SHOC2: variants seen among roughly 807,000 people sequenced by gnomAD.
SHOC2 encodes the protein SHOC2 leucine rich repeat scaffold protein.
A neutral mutation model predicts 50.2 loss-of-function variants in SHOC2; 4 were observed. The observed-to-expected ratio is 0.08, with a 90% CI of 0.04 to 0.18. The LOEUF (loss-of-function observed/expected upper bound fraction) is 0.18. Among genes scored for constraint, SHOC2 ranks in the 10% least tolerant of loss-of-function variants. The probability of loss-of-function intolerance (pLI) is 1.00; values close to 1 mark genes in which losing one functional copy is unlikely to be tolerated. For synonymous variants in SHOC2, 218 were observed against 244.5 expected (o/e 0.89, Z 1.01); for missense variants, 388 against 669.6 (o/e 0.58, Z 4.64).
chr10:110,965,729 T>TA (rs1365269676), intron 2 of SHOC2, among the ~76,000 whole-genome samples: 8 of 152,124 alleles, frequency 5.3e-5, no homozygotes, highest in African/African-American at 1.4e-4. Context: ...AAAGAAAATG[T>TA]TTTTTAAAGG....
intron 2 of SHOC2, among the ~76,000 whole-genome samples, chr10:110,975,766 C>T (rs540365015): frequency 1.3e-5 from 2 of 152,190 alleles, no homozygotes; most frequent in Non-Finnish European, 2.9e-5. Flanking sequence ...AGCTTCTCCA[C>T]AGCTTCTGCT....
intron 1 of SHOC2, chr10:110,936,494 T>A (rs115035566): frequency 0.06 from 34,890 of 580,750 alleles, 1,231 homozygotes; most frequent in South Asian, 0.094. Flanking sequence ...ATTCTCTTTT[T>A]AAATCTTTGA....
chr10:110,996,521 C>G (rs894424584), intron 3 of SHOC2, among the ~76,000 whole-genome samples: 1 of 150,826 alleles, frequency 6.6e-6, no homozygotes, highest in Admixed American at 6.6e-5. Context: ...GAGTCAGACT[C>G]TGTCTCTTAA....
At chr10:110,998,333 C>T (rs1055254646) in intron 3 of SHOC2, among the ~76,000 whole-genome samples, 4 of 151,880 alleles carry the variant, frequency 2.6e-5, no homozygotes, top group Admixed American at 6.6e-5. Context: ...TATTCTCGTT[C>T]GTATTTCTAA....
chr10:110,985,282 A>G (rs979054228), intron 2 of SHOC2, among the ~76,000 whole-genome samples: 1 of 152,146 alleles, frequency 6.6e-6, no homozygotes, highest in African/African-American at 2.4e-5. Flanking sequence ...ATATGTAAAC[A>G]TTTGTGGCTG....
chr10:111,009,952 T>A, intron 8 of SHOC2, 122 bp downstream of exon 8: 1 of 343,564 alleles, frequency 2.9e-6, no homozygotes, highest in Non-Finnish European at 5.5e-6. Flanking sequence ...AGGCTTAAGA[T>A]TTTTTTTTTT....
intron 1 of SHOC2, among the ~76,000 whole-genome samples, chr10:110,952,113 A>T (rs1030195640): frequency 2.0e-5 from 3 of 151,980 alleles, no homozygotes; most frequent in Non-Finnish European, 4.4e-5. Context: ...GTTAACCTTA[A>T]TTTTTTGCCT....
chr10:110,925,070 C>CAA (rs763203844), intron 1 of SHOC2, among the ~76,000 whole-genome samples: 4,212 of 80,510 alleles, frequency 0.052, 199 homozygotes, highest in East Asian at 0.095. Context: ...GACTCTGTCT[C>CAA]AAAAAAAAAA....
chr10:111,000,521 C>T lies in SHOC2; in HGVS notation c.948C>T (p.Asn316=). ...CSALEELNLE[N]NNISTLPESL... Reference sequence around the variant, plus strand: ...CACTTGAAGAATTAAATTTAGAGAACAATAACATTTCTACTTTACCAGAGG... The same window carrying T: ...CACTTGAAGAATTAAATTTAGAGAATAATAACATTTCTACTTTACCAGAGG... The change falls in exon 4 of 9, where the codon AAC becomes AAT. Residue 316 remains asparagine (N), a synonymous_variant. Transcript: ENST00000369452. 1.2e-6 allele frequency: 2 copies of T among 1,611,426 alleles called. No individual in the cohort carries two copies. Among genetic ancestry groups the T allele is most frequent in the Non-Finnish European group, 1.7e-6 (2 of 1,177,930 alleles).
chr10:110,976,743 G>C (rs1185077039), intron 2 of SHOC2, among the ~76,000 whole-genome samples: 1 of 152,162 alleles, frequency 6.6e-6, no homozygotes, highest in Non-Finnish European at 1.5e-5. Flanking sequence ...CAAGAAGTCT[G>C]CTGTTATTCT....
At chr10:110,951,448 C>T (rs141342925) in intron 1 of SHOC2, among the ~76,000 whole-genome samples, 2 of 152,172 alleles carry the variant, frequency 1.3e-5, no homozygotes, top group East Asian at 3.9e-4. Flanking sequence ...TAAATTGGTA[C>T]AGCCATGTAC....
chr10:110,967,061 T>A (rs1196553469), intron 2 of SHOC2, among the ~76,000 whole-genome samples: 1 of 151,942 alleles, frequency 6.6e-6, no homozygotes, highest in Non-Finnish European at 1.5e-5. Flanking sequence ...AAAAATAACA[T>A]CATAATAATA....
At chr10:110,976,153 G>T (rs1398092766) in intron 2 of SHOC2, among the ~76,000 whole-genome samples, 2 of 151,988 alleles carry the variant, frequency 1.3e-5, no homozygotes, top group African/African-American at 4.8e-5. Context: ...CAGGTGATCC[G>T]CCTGCCTCGG....
chr10:111,009,131 A>G (rs1290175258), intron 6 of SHOC2, 117 bp from the exon 7 acceptor site: 1 of 600,024 alleles, frequency 1.7e-6, no homozygotes. Flanking sequence ...ATTGAACATC[A>G]CCCTTAATAT....
At chr10:110,998,241 C>T (rs923018511) in intron 3 of SHOC2, among the ~76,000 whole-genome samples, 6 of 151,984 alleles carry the variant, frequency 3.9e-5, no homozygotes, top group Non-Finnish European at 7.4e-5. Flanking sequence ...TCAGGTGATC[C>T]GCTTGCCTCG....
chr10:110,925,960 T>G (rs117700007), intron 1 of SHOC2, among the ~76,000 whole-genome samples: 2,511 of 152,332 alleles, frequency 0.016, 43 homozygotes, highest in Middle Eastern at 0.027. Context: ...CTTAAACATG[T>G]TGTTACACCT....
intron 2 of SHOC2, among the ~76,000 whole-genome samples, chr10:110,972,719 C>T (rs1276048900): frequency 1.3e-5 from 2 of 152,108 alleles, no homozygotes; most frequent in Non-Finnish European, 2.9e-5. Flanking sequence ...CACCCACAGT[C>T]CCAGCTACTC....
chr10:110,941,850 T>C (rs1414620328), intron 1 of SHOC2, among the ~76,000 whole-genome samples: 1 of 152,200 alleles, frequency 6.6e-6, no homozygotes, highest in Non-Finnish European at 1.5e-5. Context: ...TTGAAGACTT[T>C]CTTGTATGTT....
intron 1 of SHOC2, among the ~76,000 whole-genome samples, chr10:110,926,607 T>C (rs1439791773): frequency 2.0e-5 from 3 of 152,232 alleles, no homozygotes; most frequent in Non-Finnish European, 2.9e-5. Flanking sequence ...CAGCAGTTTA[T>C]AGCAACTTAA....
Sources: gnomAD v4.1 joint callset for allele counts (sites outside exome capture counted in the v4.1 genomes callset) on GRCh38, gnomAD v4.1.1 for gene constraint, MANE v1.5 for transcripts, NCBI Gene and HGNC (gene_info 2026-07-23, HGNC 2026-07-21) for gene names.